GABBR2: variants seen among roughly 807,000 people sequenced by gnomAD.
GABBR2 encodes the protein gamma-aminobutyric acid type B receptor subunit 2.
Under a neutral mutation model 105.6 loss-of-function variants are expected in GABBR2, and 23 were observed. The observed-to-expected ratio is 0.22, with a 90% CI of 0.16 to 0.31. GABBR2 has a LOEUF of 0.31. Ranked by LOEUF, GABBR2 falls within the 10% of genes least tolerant of loss-of-function variation. The pLI is 1.00. For missense variants in GABBR2, 734 were observed against 1,245.5 expected (o/e 0.59, Z 6.18); for synonymous variants, 478 against 499.7 (o/e 0.96, Z 0.58).
intron 8 of GABBR2, among the ~76,000 whole-genome samples, chr9:98,397,835 A>G (rs1832321281): frequency 6.6e-6 from 1 of 152,104 alleles, no homozygotes; most frequent in Admixed American, 6.5e-5. Context: ...GTGTGTGTCC[A>G]GGGCTTCTGA....
intron 1 of GABBR2, among the ~76,000 whole-genome samples, chr9:98,606,459 T>C (rs2131809430): frequency 6.6e-6 from 1 of 150,760 alleles, no homozygotes; most frequent in Admixed American, 6.7e-5. Flanking sequence ...AGAAGCACTG[T>C]GGTGTCTATT....
chr9:98,447,831 C>T (rs1017668185), intron 7 of GABBR2, among the ~76,000 whole-genome samples: 1 of 149,790 alleles, frequency 6.7e-6, no homozygotes, highest in Non-Finnish European at 1.5e-5. Flanking sequence ...GGGGTGGTGA[C>T]TTGTCTAGGG....
chr9:98,306,402 G>T lies in GABBR2; in HGVS notation c.2005-57C>A, dbSNP rs1484400511. Reference sequence around the variant, plus strand: ...TCGTTACCAAGGGGTGGCACACACAGGCTGCTCTGAGAAGCTGTGGAGTGG... The same window carrying T: ...TCGTTACCAAGGGGTGGCACACACATGCTGCTCTGAGAAGCTGTGGAGTGG... On this transcript the variant is annotated intron_variant, in intron 14 of 18. Transcript: ENST00000259455. The surrounding 1 kb of genome is among the most constrained non-coding windows in gnomAD (Gnocchi z 5.4). The T allele has an allele frequency of 8.0e-7, 1 of 1,255,122 alleles. No homozygotes were observed. The highest frequency in any genetic ancestry group is 1.3e-5 in the South Asian group (1 of 78,938). The allele number at this position is 1,255,122 out of a possible 1,614,324, so 77.7% of individuals were successfully genotyped here. A position where few individuals can be genotyped will look rare whatever the true frequency, so the allele number is the denominator to read the frequency against.
At chr9:98,529,203 G>A (rs1056542294) in intron 3 of GABBR2, among the ~76,000 whole-genome samples, 1 of 152,044 alleles carries the variant, frequency 6.6e-6, no homozygotes, top group Admixed American at 6.6e-5. Context: ...GAAGAAGACC[G>A]TTCATGGACA....
At chr9:98,324,188 A>T (rs1458438873) in intron 13 of GABBR2, among the ~76,000 whole-genome samples, 1 of 151,820 alleles carries the variant, frequency 6.6e-6, no homozygotes, top group African/African-American at 2.4e-5. Flanking sequence ...TGATTCTGGG[A>T]CTCCCAGCTC....
At chr9:98,378,756 A>G (rs931586581) in intron 11 of GABBR2, among the ~76,000 whole-genome samples, 1 of 152,210 alleles carries the variant, frequency 6.6e-6, no homozygotes, top group African/African-American at 2.4e-5. Flanking sequence ...TGGGGCAGAT[A>G]GGAACCAGAA....
chr9:98,645,574 T>C (rs1013138140), intron 1 of GABBR2, among the ~76,000 whole-genome samples: 2 of 152,156 alleles, frequency 1.3e-5, no homozygotes, highest in Admixed American at 6.5e-5. Context: ...CTCAGAAAAC[T>C]ATCAGCAACT....
chr9:98,538,681 C>A (rs61565750), intron 3 of GABBR2: 27,921 of 671,592 alleles, frequency 0.042, 1,304 homozygotes, highest in African/African-American at 0.19. Flanking sequence ...TCCACCACCC[C>A]CTCCGACTTC....
chr9:98,509,435 G>A (rs1357065537), intron 3 of GABBR2, among the ~76,000 whole-genome samples: 2 of 152,212 alleles, frequency 1.3e-5, no homozygotes. Context: ...ACTTTGACGA[G>A]TTGAGAGAAG....
chr9:98,620,681 C>T (rs1352536525), intron 1 of GABBR2, among the ~76,000 whole-genome samples: 9 of 152,068 alleles, frequency 5.9e-5, no homozygotes, highest in African/African-American at 1.4e-4. Context: ...GCATTGGGTC[C>T]GGGTAACCTT....
At chr9:98,540,693 A>G (rs1486964917) in intron 3 of GABBR2, among the ~76,000 whole-genome samples, 1 of 152,194 alleles carries the variant, frequency 6.6e-6, no homozygotes, top group African/African-American at 2.4e-5. Flanking sequence ...GAAATCCTCC[A>G]CACGGCTAAA....
chr9:98,641,034 C>T (rs1465559372), intron 1 of GABBR2, among the ~76,000 whole-genome samples: 1 of 152,114 alleles, frequency 6.6e-6, no homozygotes, highest in Non-Finnish European at 1.5e-5. Flanking sequence ...CTGAAATGCA[C>T]ATACCTGGGC....
chr9:98,324,951 CGCACACACAT>C (rs1588102708), intron 13 of GABBR2, among the ~76,000 whole-genome samples: 1 of 152,184 alleles, frequency 6.6e-6, no homozygotes, highest in African/African-American at 2.4e-5. Context: ...TACACACACA[CGCACACACAT>C]ATAAGTCTTC....
At chr9:98,355,307 G>C (rs1355457741) in intron 13 of GABBR2, among the ~76,000 whole-genome samples, 1 of 151,858 alleles carries the variant, frequency 6.6e-6, no homozygotes, top group Non-Finnish European at 1.5e-5. Flanking sequence ...GACACAAAGT[G>C]AGTAAACGCT....
At chr9:98,422,538 G>GTGTGTGTC (rs1832801912) in intron 7 of GABBR2, among the ~76,000 whole-genome samples, 2 of 152,202 alleles carry the variant, frequency 1.3e-5, no homozygotes, top group African/African-American at 4.8e-5. Context: ...GTGTGTCTGT[G>GTGTGTGTC]TGTGATGGAG....
At chr9:98,551,408 C>CAACCA (rs1418779858) in intron 2 of GABBR2, among the ~76,000 whole-genome samples, 4 of 152,152 alleles carry the variant, frequency 2.6e-5, no homozygotes, top group Non-Finnish European at 4.4e-5. Flanking sequence ...GACTTTGTCT[C>CAACCA]AACCAAACCA....
At chr9:98,352,427 G>C (rs529508660) in intron 13 of GABBR2, among the ~76,000 whole-genome samples, 1 of 152,314 alleles carries the variant, frequency 6.6e-6, no homozygotes, top group Admixed American at 6.5e-5. Flanking sequence ...GGTGGGTGGT[G>C]CTGGAGGGCT....
intron 1 of GABBR2, among the ~76,000 whole-genome samples, chr9:98,679,647 T>A (rs1830516331): frequency 6.6e-6 from 1 of 152,228 alleles, no homozygotes; most frequent in Non-Finnish European, 1.5e-5. Context: ...CATTCTCACC[T>A]TCCTCACACC....
chr9:98,598,174 A>T (rs142933268), intron 1 of GABBR2, among the ~76,000 whole-genome samples: 1 of 152,306 alleles, frequency 6.6e-6, no homozygotes, highest in African/African-American at 2.4e-5. Context: ...TCATTCAATG[A>T]CAACATCCAC....
Sources: allele counts gnomAD v4.1 joint callset (sites outside exome capture counted in the v4.1 genomes callset), GRCh38; gene constraint gnomAD v4.1.1; non-coding constraint Gnocchi (gnomAD v3.1); transcripts MANE v1.5; gene names NCBI Gene and HGNC (gene_info 2026-07-23, HGNC 2026-07-21).